The following BLOC1S3 variants were observed in gnomAD, a reference collection of about 807,000 sequenced individuals.
BLOC1S3 encodes the protein biogenesis of lysosomal organelles complex 1 subunit 3, also known as biogenesis of lysosome-related organelles complex 1 subunit 3.
Under a neutral mutation model 9.1 loss-of-function variants are expected in BLOC1S3, and 7 were observed. The observed-to-expected ratio is 0.77, with a 90% confidence interval of 0.44 to 1.45. The LOEUF (loss-of-function observed/expected upper bound fraction) is 1.45. Ranked by LOEUF, BLOC1S3 falls within the 40% of genes most tolerant of loss-of-function variation. The pLI is 0.01. For missense variants in BLOC1S3, 307 were observed against 315.2 expected (o/e 0.97, Z 0.20); for synonymous variants, 145 against 158.4 (o/e 0.92, Z 0.64).
chr19:45,209,561 A>G (rs980719598), intron 3 of BLOC1S3, among the ~76,000 whole-genome samples: 6 of 151,998 alleles, frequency 3.9e-5, no homozygotes, highest in Admixed American at 1.3e-4. Flanking sequence ...AGCTGGGACT[A>G]CAGGCGCCTG....
At chr19:45,214,375 G>C (rs1969811485) in intron 3 of BLOC1S3, among the ~76,000 whole-genome samples, 1 of 152,156 alleles carries the variant, frequency 6.6e-6, no homozygotes, top group African/African-American at 2.4e-5. Context: ...CGTTGCTCCG[G>C]CAGCCACCAC....
downstream of BLOC1S3, among the ~76,000 whole-genome samples, chr19:45,184,479 G>A (rs1377369246): frequency 2.6e-5 from 4 of 152,100 alleles, no homozygotes; most frequent in Admixed American, 6.5e-5. Context: ...GGTGGTGTGC[G>A]CCTGTGGTCC....
rs1011659280 is a variant in BLOC1S3 at position 45,208,165 on chromosome 19, G to T, written n.282+5658G>T. 7.3e-5 allele frequency among the ~76,000 whole-genome samples: 11 copies of T among 149,670 alleles called. No individual in the cohort carries two copies. The East Asian group carries it at 2.2e-3, about 30-fold the overall frequency. On this transcript the variant is annotated intron_variant and non_coding_transcript_variant, in intron 3 of 3. Transcript: ENST00000591569. The stretch of plus-strand genomic sequence containing the variant: ...AAGTTTTGTATTTTTAGTAGAGACG[G>T]GTTTTGCCATGTTGGCCAAGCTGGT...
Position 45,213,739 on chromosome 19 carries a change from G to C in BLOC1S3, n.283-2937G>C, listed in dbSNP as rs1387302194. 2.0e-5 allele frequency among the ~76,000 whole-genome samples: 3 copies of C among 151,814 alleles called. No homozygotes were observed. The East Asian group carries it at 5.8e-4, about 29-fold the overall frequency. The stretch of plus-strand genomic sequence containing the variant: ...GCAGGCGGATCACCTGAGGTCAGGA[G>C]TTCGAGACCAGCCTGGCCAACATGG... On this transcript the variant is annotated intron_variant and non_coding_transcript_variant, in intron 3 of 3. Coordinates refer to the BLOC1S3 transcript ENST00000591569.
rs569275459 is a variant in BLOC1S3 at position 45,211,661 on chromosome 19, T to C, written n.283-5015T>C. On this transcript the variant is annotated intron_variant and non_coding_transcript_variant, in intron 3 of 3. Coordinates refer to the BLOC1S3 transcript ENST00000591569. ...CTCAGCCCAGAGAGGGGCAGCTTCC[T>C]GCCTCGGGTCAGGAAGCACAGCCTT... 1.7e-4 allele frequency among the ~76,000 whole-genome samples: 24 copies of C among 138,850 alleles called. No individual in the cohort carries two copies. In the East Asian group the frequency reaches 4.3e-3, roughly 25 times the overall value. 91.1% of individuals were successfully genotyped at this position (138,850 alleles called of 152,430 possible). A position where few individuals can be genotyped will look rare whatever the true frequency, so the allele number is the denominator to read the frequency against.
At chr19:45,183,391 G>A (rs932393051), downstream of BLOC1S3, among the ~76,000 whole-genome samples, 18 of 151,140 alleles carry the variant, frequency 1.2e-4, no homozygotes, top group Admixed American at 6.6e-5. Flanking sequence ...CAGGAGAATC[G>A]CTTGAACCCG....
In BLOC1S3 at chr19:45,179,430, G is replaced by A. The variant is rs1969473981; in HGVS notation, c.134G>A (p.Gly45Asp). 6.5e-7 allele frequency: 1 copy of A among 1,532,470 alleles called. No individual in the cohort carries two copies. Among genetic ancestry groups the A allele is most frequent in the Non-Finnish European group, 8.7e-7 (1 of 1,146,230 alleles). 94.9% of individuals were successfully genotyped at this position (1,532,470 alleles called of 1,614,324 possible). Reference protein sequence around the residue: ...EEEELYLGPSGPTRGRPTGLR... With the variant: ...EEEELYLGPSDPTRGRPTGLR... ...GAGGAGCTGTACCTGGGTCCTTCGG[G>A]CCCGACGCGCGGCCGCCCCACGGGG... is the stretch of plus-strand genomic sequence containing the variant. The change falls in exon 2 of 2, where the codon GGC becomes GAC. Residue 45 changes from glycine to aspartate, a missense_variant. Coordinates refer to ENST00000433642, the MANE Select transcript of BLOC1S3 (RefSeq NM_212550.5). The surrounding 1 kb of genome is among the most constrained non-coding windows in gnomAD (Gnocchi z 4.6).
chr19:45,182,058 G>T (rs1250826642), downstream of BLOC1S3, among the ~76,000 whole-genome samples: 1 of 152,182 alleles, frequency 6.6e-6, no homozygotes, highest in African/African-American at 2.4e-5. Context: ...AGAGGTCGCA[G>T]TCCAGTGGGA....
chr19:45,199,829 A>G (rs556014660), intron 2 of BLOC1S3, among the ~76,000 whole-genome samples: 1 of 150,402 alleles, frequency 6.6e-6, no homozygotes, highest in South Asian at 2.1e-4. Flanking sequence ...GTGGTGCTGC[A>G]ATCTTGGCTC....
chr19:45,182,139 A>G (rs1219282441), downstream of BLOC1S3, among the ~76,000 whole-genome samples: 1 of 152,194 alleles, frequency 6.6e-6, no homozygotes, highest in Non-Finnish European at 1.5e-5. Flanking sequence ...TTAAAAATAG[A>G]GATGATAGCC....
chr19:45,216,100 A>C (rs1264641268), intron 3 of BLOC1S3: 1 of 1,611,818 alleles, frequency 6.2e-7, no homozygotes, highest in Non-Finnish European at 8.5e-7. Flanking sequence ...GCGCACCAAC[A>C]CTCCCACCTC....
At chr19:45,205,121 A>G (rs1366211477) in intron 3 of BLOC1S3, among the ~76,000 whole-genome samples, 1 of 152,106 alleles carries the variant, frequency 6.6e-6, no homozygotes, top group Non-Finnish European at 1.5e-5. Flanking sequence ...GAGATTTCAG[A>G]CTAAATGAAA....
Position 45,179,259 on chromosome 19 carries a change from C to T in BLOC1S3, c.-9-29C>T, listed in dbSNP as rs755156912. The T allele has an allele frequency of 2.7e-6, 4 of 1,507,886 alleles. No homozygotes were observed. The highest frequency in any genetic ancestry group is 3.5e-6 in the Non-Finnish European group (4 of 1,134,254). The allele number at this position is 1,507,886 out of a possible 1,614,324, so 93.4% of individuals were successfully genotyped here. ...TTTACCCACCGCGGCGCCGGTCTCA[C>T]GTGCAGTCCCTTCGCTCTTCTCCCC... On this transcript the variant is annotated intron_variant, in intron 1 of 1. Transcript: ENST00000433642. The surrounding 1 kb of genome is among the most constrained non-coding windows in gnomAD (Gnocchi z 4.6).
At position 45,213,150 on chromosome 19, in the gene BLOC1S3, G is replaced by C. The variant is rs774038504; in HGVS notation, n.283-3526G>C. 3.8e-6 allele frequency: 6 copies of C among 1,589,512 alleles called. No individual in the cohort carries two copies. The South Asian group carries it at 6.8e-5, about 18-fold the overall frequency. ...CCAAACTGGGCCTGGCCAGCCGGGA[G>C]AGGGGGAGGCGGCCCAGGAAGAGAG... is the stretch of plus-strand genomic sequence containing the variant. On this transcript the variant is annotated intron_variant and non_coding_transcript_variant, in intron 3 of 3. Coordinates refer to the BLOC1S3 transcript ENST00000591569.
At chr19:45,190,006 A>G (rs1969593216) in intron 2 of BLOC1S3, among the ~76,000 whole-genome samples, 1 of 151,468 alleles carries the variant, frequency 6.6e-6, no homozygotes, top group Admixed American at 6.6e-5. Flanking sequence ...TTCACTAATT[A>G]TTTCTTTTTT....
chr19:45,184,086 C>T (rs1178590354), downstream of BLOC1S3, among the ~76,000 whole-genome samples: 1 of 152,158 alleles, frequency 6.6e-6, no homozygotes, highest in African/African-American at 2.4e-5. Flanking sequence ...CCAGGCCTGG[C>T]TTTCAGCCCC....
intron 2 of BLOC1S3, among the ~76,000 whole-genome samples, chr19:45,196,764 G>T (rs975957302): frequency 6.6e-6 from 1 of 152,094 alleles, no homozygotes; most frequent in African/African-American, 2.4e-5. Flanking sequence ...AGCCAGGCAT[G>T]GTGGCGGGTG....
downstream of BLOC1S3, among the ~76,000 whole-genome samples, chr19:45,185,876 C>G (rs1385343139): frequency 2.6e-5 from 4 of 152,022 alleles, no homozygotes; most frequent in Non-Finnish European, 5.9e-5. Context: ...CTTTGGAGGC[C>G]AAGGCAGATG....
intron 3 of BLOC1S3, among the ~76,000 whole-genome samples, chr19:45,206,390 G>T: frequency 7.2e-6 from 1 of 139,390 alleles, no homozygotes. Context: ...TTATTTTCAT[G>T]GTTTTTCCTG....
Sources: allele counts gnomAD v4.1 joint callset (sites outside exome capture counted in the v4.1 genomes callset), GRCh38; gene constraint gnomAD v4.1.1; non-coding constraint Gnocchi (gnomAD v3.1); transcripts MANE v1.5; gene names NCBI Gene and HGNC (gene_info 2026-07-23, HGNC 2026-07-21).